Variants in MUC5AC observed in about 807,000 individuals in gnomAD.
MUC5AC encodes mucin-5AC.
Under a neutral mutation model 169.7 loss-of-function variants are expected in MUC5AC, and 158 were observed. The observed-to-expected ratio is 0.93, with a 90% CI of 0.82 to 1.06. The LOEUF is 1.06. MUC5AC is among the 50% of genes least tolerant of loss of function. The probability of loss-of-function intolerance (pLI) is 0.00; values close to 1 mark genes in which losing one functional copy is unlikely to be tolerated. For synonymous variants in MUC5AC, 1,975 were observed against 1,237.0 expected, an observed-to-expected ratio of 1.60 and a Z score of -12.52; for missense variants, 4,359 against 3,089.9, an observed-to-expected ratio of 1.41 and a Z score of -9.74.
Position 1,189,291 on chromosome 11 carries a change from C to T in MUC5AC, c.11146C>T (p.Pro3716Ser), listed in dbSNP as rs1421170804. 3.4e-6 allele frequency: 2 copies of T among 585,332 alleles called. No homozygotes were observed. The highest frequency in any genetic ancestry group is 2.8e-5 in the East Asian group (1 of 36,198). 36.3% of individuals were successfully genotyped at this position (585,332 alleles called of 1,614,324 possible). ...CCCTACAACCAGCACAACCTCCACT[C>T]CACAGACCACCACATCCTCTGCCCC... Reference protein sequence around the residue: ...SAPTTSTTSTPQTTTSSAPTS... With the variant: ...SAPTTSTTSTSQTTTSSAPTS... The change falls in exon 31 of 49, where the codon CCA (proline) becomes TCA (serine). Residue 3716 changes from proline (P) to serine (S), a missense_variant. Transcript: ENST00000621226.
chr11:1,190,316 C>T lies in MUC5AC; in HGVS notation c.12171C>T (p.Cys4057=). 1.5e-6 allele frequency: 1 copy of T among 676,454 alleles called. No homozygotes were observed. Among genetic ancestry groups the T allele is most frequent in the South Asian group, 1.7e-5 (1 of 60,514 alleles). 41.9% of individuals were successfully genotyped at this position (676,454 alleles called of 1,614,324 possible). ...RVLCCETPKG[C]PVTSTPVTAP... The stretch of plus-strand genomic sequence containing the variant: ...TCTGCTGCGAGACCCCCAAAGGCTG[C>T]CCCGTGACCTCCACACCTGTGACAG... Residue 4057 remains cysteine (C), a synonymous_variant, in exon 31 of 49, where the codon TGC becomes TGT. Transcript: ENST00000621226.
Position 1,195,287 on chromosome 11 carries a change from T to A in MUC5AC, c.15458+8T>A. 1 of 759,094 alleles carries A rather than the reference T, an allele frequency of 1.3e-6. No homozygotes were observed. The highest frequency in any genetic ancestry group is 2.4e-6 in the Non-Finnish European group (1 of 412,972). 47.0% of individuals were successfully genotyped at this position (759,094 alleles called of 1,614,324 possible). A position where few individuals can be genotyped will look rare whatever the true frequency, so the allele number is the denominator to read the frequency against. The stretch of plus-strand genomic sequence containing the variant: ...CCAGCTGATTCTGAGCAAGTGAGAC[T>A]TGGGTGCAAGGGAGGGAGGGTCAGT... On this transcript the variant is annotated splice_region_variant and intron_variant, in intron 36 of 48. Transcript: ENST00000621226.
chr11:1,164,419 C>A lies in MUC5AC; in HGVS notation c.1016C>A (p.Pro339His). The A allele has an allele frequency of 1.6e-5, 25 of 1,612,386 alleles. No homozygotes were observed. The highest frequency in any genetic ancestry group is 2.0e-5 in the Non-Finnish European group (24 of 1,179,756). ...CTGCCTCCCGCAGCCCAGAAGTGCC[C>A]CAACAACATGCAGTACCACGAGTGC... is the stretch of plus-strand genomic sequence containing the variant. Reference protein sequence around the residue: ...RGPDFCPQKCPNNMQYHECRS... With the variant: ...RGPDFCPQKCHNNMQYHECRS... The change falls in exon 9 of 49, where the codon CCC (proline) becomes CAC (histidine). Residue 339 changes from proline (P) to histidine (H), a missense_variant. Pro to His is a moderately conservative substitution (Grantham distance 77). Transcript: ENST00000621226.
At position 1,182,593 on chromosome 11, in the gene MUC5AC, C is replaced by A. The variant is rs1377581396; in HGVS notation, c.4448C>A (p.Thr1483Asn). 2.0e-5 allele frequency: 8 copies of A among 398,782 alleles called. No individual in the cohort carries two copies. Among genetic ancestry groups the A allele is most frequent in the Non-Finnish European group, 3.5e-5 (8 of 226,228 alleles). 24.7% of individuals were successfully genotyped at this position (398,782 alleles called of 1,614,324 possible). ...VQCCTPLPCS[T>N]SSSPAQTTPP... is the part of the protein sequence containing the mutation. The stretch of plus-strand genomic sequence containing the variant: ...TGCTGCACGCCCCTACCCTGCTCCA[C>A]CTCTAGCAGTCCAGCCCAGACCACT... Residue 1483 changes from threonine (T) to asparagine (N), a missense_variant, in exon 31 of 49, where the codon ACC becomes AAC. Coordinates refer to ENST00000621226, the MANE Select transcript of MUC5AC (RefSeq NM_001304359.2).
In MUC5AC at chr11:1,187,874, C is replaced by T. The variant is rs1554928375; in HGVS notation, c.9729C>T (p.Gly3243=). 4.7e-4 allele frequency: 357 copies of T among 762,002 alleles called. 1 individual carries two copies. In the East Asian group the frequency reaches 6.5e-3, roughly 14 times the overall value. The allele number at this position is 762,002 out of a possible 1,614,324, so 47.2% of individuals were successfully genotyped here. The part of the protein sequence containing the change: ...DIDFPSPGPH[G]GDKETYNNII... ...ACTTCCCATCCCCTGGACCCCACGG[C>T]GGGGACAAGGAAACCTACAACAACA... The change falls in exon 31 of 49, where the codon GGC becomes GGT. Residue 3243 remains glycine, a synonymous_variant. Coordinates refer to ENST00000621226, the MANE Select transcript of MUC5AC (RefSeq NM_001304359.2).
At position 1,182,614 on chromosome 11, in the gene MUC5AC, C is replaced by A; in HGVS notation, c.4469C>A (p.Thr1490Asn). ...PCSTSSSPAQ[T>N]TPPTTSKTTE... ...TCCACCTCTAGCAGTCCAGCCCAGACCACTCCTCCAACTACCTCCAAGACC... is the reference window on the plus strand; with the variant it reads ...TCCACCTCTAGCAGTCCAGCCCAGAACACTCCTCCAACTACCTCCAAGACC... Residue 1490 changes from threonine (T) to asparagine (N), a missense_variant, in exon 31 of 49, where the codon ACC (threonine) becomes AAC (asparagine). By Grantham distance (65) the Thr-to-Asn change is moderately conservative. Transcript: ENST00000621226. 2 of 399,158 alleles carry A rather than the reference C, an allele frequency of 5.0e-6. No homozygotes were observed. Among genetic ancestry groups the A allele is most frequent in the Non-Finnish European group, 8.8e-6 (2 of 226,510 alleles). 24.7% of individuals were successfully genotyped at this position (399,158 alleles called of 1,614,324 possible).
rs184490570 is a variant in MUC5AC at position 1,195,836 on chromosome 11, G to A, written c.15459-40G>A. On this transcript the variant is annotated intron_variant, in intron 36 of 48. Coordinates refer to ENST00000621226, the MANE Select transcript of MUC5AC (RefSeq NM_001304359.2). ...CCTGACGTGGAGCAGGCAGGTGGCC[G>A]GAGAGGCTGCACCCAGCACCCTGCC... The A allele has an allele frequency of 7.4e-4, 554 of 751,716 alleles. 2 individuals are homozygous for A. In the African/African-American group the frequency reaches 8.5e-3, roughly 12 times the overall value. The allele number at this position is 751,716 out of a possible 1,614,324, so 46.6% of individuals were successfully genotyped here. A position where few individuals can be genotyped will look rare whatever the true frequency, so the allele number is the denominator to read the frequency against.
chr11:1,187,199 C>A lies in MUC5AC; in HGVS notation c.9054C>A (p.Thr3018=). The change falls in exon 31 of 49, where the codon ACC becomes ACA. Residue 3018 remains threonine (T), a synonymous_variant. Transcript: ENST00000621226. ...CCAGCACACCCTCTGCCCCTACAAC[C>A]AGCACAACCTTAGCTCCTACAACCA... ...PTTSTPSAPT[T]STTLAPTTST... is the part of the protein sequence containing the mutation. The A allele has an allele frequency of 1.4e-6, 1 of 702,818 alleles. No homozygotes were observed. Among genetic ancestry groups the A allele is most frequent in the South Asian group, 1.5e-5 (1 of 67,868 alleles). 43.5% of individuals were successfully genotyped at this position (702,818 alleles called of 1,614,324 possible).
chr11:1,178,472 T>C lies in MUC5AC; in HGVS notation c.3116T>C (p.Phe1039Ser). ...AGGGTCTGCGGCCTGTGTGGGAACT[T>C]CGACGACATCGCCGTTAATGACTTT... is the stretch of plus-strand genomic sequence containing the variant. ...KGRVCGLCGN[F>S]DDIAVNDFAT... The change falls in exon 25 of 49, where the codon TTC (phenylalanine) becomes TCC (serine). Residue 1039 changes from phenylalanine (F) to serine (S), a missense_variant. Physicochemically the swap from Phe to Ser is radical, Grantham distance 155 (BLOSUM62 -2). Transcript: ENST00000621226. The C allele has an allele frequency of 1.1e-6, 1 of 901,888 alleles. No individual in the cohort carries two copies. Among genetic ancestry groups the C allele is most frequent in the East Asian group, 3.3e-5 (1 of 30,266 alleles). The allele number at this position is 901,888 out of a possible 1,614,324, so 55.9% of individuals were successfully genotyped here.
At chr11:1,161,655 A>C (rs1257408011) in intron 3 of MUC5AC, 69 bp downstream of exon 3, 1 of 1,526,026 alleles carries the variant, frequency 6.6e-7, no homozygotes, top group African/African-American at 1.4e-5. Context: ...TCAGGCCTGG[A>C]GGTGCCGGGT....
rs80315560 is a variant in MUC5AC at position 1,192,340 on chromosome 11, C to T, written c.14195C>T (p.Pro4732Leu). The T allele has an allele frequency of 2.7e-5, 21 of 764,990 alleles. No homozygotes were observed. Among genetic ancestry groups the T allele is most frequent in the African/African-American group, 6.8e-5 (4 of 59,138 alleles). 47.4% of individuals were successfully genotyped at this position (764,990 alleles called of 1,614,324 possible). A position where few individuals can be genotyped will look rare whatever the true frequency, so the allele number is the denominator to read the frequency against. Residue 4732 changes from proline to leucine, a missense_variant, in exon 31 of 49, where the codon CCG becomes CTG. Coordinates refer to ENST00000621226, the MANE Select transcript of MUC5AC (RefSeq NM_001304359.2). Reference sequence around the variant, plus strand: ...TGCTGCGAGACCCCCAGAGGCTGCCCGGTGACCTCTGTGACCCCATATGGG... The same window carrying T: ...TGCTGCGAGACCCCCAGAGGCTGCCTGGTGACCTCTGTGACCCCATATGGG... ...VLCCETPRGC[P>L]VTSVTPYGTS...
In MUC5AC at chr11:1,186,823, C is replaced by A. The variant is rs1860959832; in HGVS notation, c.8678C>A (p.Thr2893Asn). The A allele has an allele frequency of 2.1e-5, 15 of 712,360 alleles. No homozygotes were observed. The highest frequency in any genetic ancestry group is 5.1e-6 in the Non-Finnish European group (2 of 390,500). 44.1% of individuals were successfully genotyped at this position (712,360 alleles called of 1,614,324 possible). ...AGCCCTGTTCCCACCACCAGTACAACCTCTGCTCCTACAACCAGAACAACC... is the reference window on the plus strand; with the variant it reads ...AGCCCTGTTCCCACCACCAGTACAAACTCTGCTCCTACAACCAGAACAACC... Reference protein sequence around the residue: ...TPSPVPTTSTTSAPTTRTTSA... With the variant: ...TPSPVPTTSTNSAPTTRTTSA... Residue 2893 changes from threonine to asparagine, a missense_variant, in exon 31 of 49, where the codon ACC becomes AAC. By Grantham distance (65) the Thr-to-Asn change is moderately conservative. Coordinates refer to ENST00000621226, the MANE Select transcript of MUC5AC (RefSeq NM_001304359.2).
intron 24 of MUC5AC, among the ~76,000 whole-genome samples, chr11:1,177,974 G>A (rs1860727421): frequency 1.3e-5 from 2 of 152,154 alleles, no homozygotes; most frequent in East Asian, 1.9e-4. Context: ...GGTCCCCAGC[G>A]CTCCTTGGCT....
At chr11:1,163,857 G>T (rs1385288624) in intron 6 of MUC5AC, 25 bp from the exon 7 acceptor site, 1 of 1,564,648 alleles carries the variant, frequency 6.4e-7, no homozygotes. Flanking sequence ...CCTGCAGGCA[G>T]AGCCCGCCTC....
At chr11:1,162,353 T>A (rs1427627508) in intron 4 of MUC5AC, among the ~76,000 whole-genome samples, 179 bp from the exon 5 acceptor site, 1 of 151,818 alleles carries the variant, frequency 6.6e-6, no homozygotes, top group Admixed American at 6.6e-5. Context: ...ATCCCCAGGC[T>A]CTTATTCTGC....
intron 24 of MUC5AC, among the ~76,000 whole-genome samples, chr11:1,178,102 C>A (rs963155721): frequency 6.6e-6 from 1 of 152,250 alleles, no homozygotes; most frequent in South Asian, 2.1e-4. Flanking sequence ...CACTCATTAC[C>A]TCAGTCTGCA....
Position 1,179,153 on chromosome 11 carries a change from G to T in MUC5AC, c.3389G>T (p.Gly1130Val), listed in dbSNP as rs1050918935. Residue 1130 changes from glycine to valine, a missense_variant, in exon 26 of 49, where the codon GGT becomes GTT. Coordinates refer to ENST00000621226, the MANE Select transcript of MUC5AC (RefSeq NM_001304359.2). ...VNDACACDSG[G>V]DCECFCTAVA... ...GACGCGTGCGCCTGCGACTCCGGGG[G>T]TGACTGCGAGTGCTTCTGCACGGCT... The T allele has an allele frequency of 2.5e-5, 17 of 678,186 alleles. No homozygotes were observed. Among genetic ancestry groups the T allele is most frequent in the Non-Finnish European group, 4.3e-5 (16 of 371,930 alleles). The allele number at this position is 678,186 out of a possible 1,614,324, so 42.0% of individuals were successfully genotyped here. A position where few individuals can be genotyped will look rare whatever the true frequency, so the allele number is the denominator to read the frequency against.
intron 11 of MUC5AC, among the ~76,000 whole-genome samples, chr11:1,166,375 C>T (rs1242325174): frequency 1.4e-5 from 2 of 146,670 alleles, no homozygotes; most frequent in African/African-American, 5.2e-5. Context: ...GCACCCGACA[C>T]ACAGTCTCTC....
chr11:1,193,593 G>T lies in MUC5AC; in HGVS notation c.14689G>T (p.Ala4897Ser), dbSNP rs1455335359. 2.6e-6 allele frequency: 2 copies of T among 764,888 alleles called. No individual in the cohort carries two copies. Among genetic ancestry groups the T allele is most frequent in the African/African-American group, 3.4e-5 (2 of 59,166 alleles). The allele number at this position is 764,888 out of a possible 1,614,324, so 47.4% of individuals were successfully genotyped here. Residue 4897 changes from alanine (A) to serine (S), a missense_variant, in exon 33 of 49, where the codon GCC becomes TCC. Transcript: ENST00000621226. ...CCCGAGGGTGGAGAAGCCCACTTGT[G>T]CCAACGGCTACCCGGCTGTGAAGGT... is the stretch of plus-strand genomic sequence containing the variant. ...TCPRVEKPTC[A>S]NGYPAVKVAD...
Sources: allele counts gnomAD v4.1 joint callset (sites outside exome capture counted in the v4.1 genomes callset), GRCh38; gene constraint gnomAD v4.1.1; transcripts MANE v1.5; gene names NCBI Gene and HGNC (gene_info 2026-07-23, HGNC 2026-07-21).